BEGAIN: variants seen among roughly 807,000 people sequenced by gnomAD.
BEGAIN encodes brain-enriched guanylate kinase-associated protein.
A neutral mutation model predicts 35.8 loss-of-function variants in BEGAIN; 19 were observed. That is an observed-to-expected ratio of 0.53 (90% CI 0.37 to 0.78). BEGAIN has a LOEUF of 0.78. BEGAIN is among the 30% of genes least tolerant of loss of function. The pLI is 0.00. For missense variants in BEGAIN, 795 were observed against 853.6 expected (o/e 0.93, Z 0.85); for synonymous variants, 462 against 388.6 (o/e 1.19, Z -2.22).
At position 100,558,925 on chromosome 14, in the gene BEGAIN, C is replaced by T. The variant is rs1432909208; in HGVS notation, c.71+8986G>A. On this transcript the variant is annotated intron_variant, in intron 2 of 6. Coordinates refer to ENST00000554140, the MANE Select transcript of BEGAIN (RefSeq NM_001385089.1). The surrounding 1 kb of genome is among the most constrained non-coding windows in gnomAD (Gnocchi z 4.6). ...GCAGGACACACAGCTGGGAGCATGCCGGTGGGGCCAGGGCGCGTCCTGGAG... is the reference window on the plus strand; with the variant it reads ...GCAGGACACACAGCTGGGAGCATGCTGGTGGGGCCAGGGCGCGTCCTGGAG... 2.6e-5 allele frequency among the ~76,000 whole-genome samples: 4 copies of T among 152,144 alleles called. No individual in the cohort carries two copies. The highest frequency in any genetic ancestry group is 1.9e-4 in the East Asian group (1 of 5,182).
intron 2 of BEGAIN, among the ~76,000 whole-genome samples, chr14:100,554,281 C>T (rs993723451): frequency 1.3e-5 from 2 of 152,156 alleles, no homozygotes; most frequent in African/African-American, 2.4e-5. Flanking sequence ...GGCTGGGCTG[C>T]GGCTGTCACT....
intron 2 of BEGAIN, 106 bp from the exon 3 acceptor site, chr14:100,546,768 G>A: frequency 2.8e-6 from 2 of 702,370 alleles, no homozygotes; most frequent in Non-Finnish European, 3.9e-6. Context: ...GTACCGGCGC[G>A]CGCGCGCGCG....
intron 2 of BEGAIN, among the ~76,000 whole-genome samples, chr14:100,553,927 A>T (rs535004474): frequency 6.6e-6 from 1 of 152,222 alleles, no homozygotes; most frequent in East Asian, 1.9e-4. Context: ...CAGCTGATGG[A>T]GTTCAGACAG....
intron 1 of BEGAIN, chr14:100,577,608 A>C (rs1038707304): frequency 5.0e-6 from 2 of 398,952 alleles, no homozygotes; most frequent in African/African-American, 4.1e-5. Flanking sequence ...CAGTGACCTC[A>C]TCCAGGAACC....
intron 1 of BEGAIN, among the ~76,000 whole-genome samples, chr14:100,580,793 T>A (rs1157104264): frequency 6.6e-6 from 1 of 152,218 alleles, no homozygotes; most frequent in Non-Finnish European, 1.5e-5. Context: ...AGGTGCTCAA[T>A]GCGTAGTTCT....
At chr14:100,543,291 G>A (rs1271977566) in intron 5 of BEGAIN, among the ~76,000 whole-genome samples, 1 of 151,510 alleles carries the variant, frequency 6.6e-6, no homozygotes, top group Admixed American at 6.6e-5. Context: ...CGTGGCCAGA[G>A]GTGTTTTTTT....
In BEGAIN at chr14:100,568,185, G is replaced by A. The variant is rs543857605; in HGVS notation, c.43-246C>T. 8.6e-6 allele frequency: 7 copies of A among 812,640 alleles called. No individual in the cohort carries two copies. In the East Asian group the frequency reaches 7.4e-4, roughly 86 times the overall value. The allele number at this position is 812,640 out of a possible 1,614,324, so 50.3% of individuals were successfully genotyped here. The stretch of plus-strand genomic sequence containing the variant: ...CGCCGCGCTCCCCGCACCGAGTTAC[G>A]CCCCCCGGGGCGAAGAAGGGGCCGG... On this transcript the variant is annotated intron_variant, in intron 1 of 6. Transcript: ENST00000554140. The surrounding 1 kb of genome is among the most constrained non-coding windows in gnomAD (Gnocchi z 7.5).
intron 5 of BEGAIN, 55 bp downstream of exon 5, chr14:100,543,803 C>A: frequency 2.8e-6 from 4 of 1,410,958 alleles, no homozygotes; most frequent in Admixed American, 3.6e-5. Flanking sequence ...TCCTGGGAAG[C>A]CCTCGCCTAG....
At chr14:100,559,928 G>T (rs902446103) in intron 2 of BEGAIN, among the ~76,000 whole-genome samples, 7 of 152,244 alleles carry the variant, frequency 4.6e-5, no homozygotes, top group Admixed American at 2.6e-4. Context: ...CGAGGAGAGA[G>T]CTGGGGTCAC....
chr14:100,552,598 G>A (rs1489645781), intron 2 of BEGAIN, among the ~76,000 whole-genome samples: 1 of 152,226 alleles, frequency 6.6e-6, no homozygotes, highest in Non-Finnish European at 1.5e-5. Flanking sequence ...TGGCACAGGA[G>A]GGCTGCCCTG....
intron 2 of BEGAIN, chr14:100,548,228 C>T (rs2032784735): frequency 6.6e-6 from 1 of 152,170 alleles, no homozygotes; most frequent in African/African-American, 2.4e-5. Context: ...CTTCCACCTC[C>T]TCCAGGCAGC....
intron 2 of BEGAIN, among the ~76,000 whole-genome samples, chr14:100,566,143 G>A (rs757732643): frequency 6.6e-6 from 1 of 152,210 alleles, no homozygotes; most frequent in Non-Finnish European, 1.5e-5. Context: ...CGCCACCCCT[G>A]GCAACTCCAG....
chr14:100,568,307 TC>T lies in BEGAIN; in HGVS notation c.43-369del. ...TCTCCGGCGGCCGCGGCCCCGCTGCTCCCCCCGCCCCGCCCGTTAACCCTTC... is the reference window on the plus strand; with the variant it reads ...TCTCCGGCGGCCGCGGCCCCGCTGCTCCCCCGCCCCGCCCGTTAACCCTTC... On this transcript the variant is annotated intron_variant, in intron 1 of 6. Transcript: ENST00000554140. This position sits in a 1 kb window ranked among gnomAD's most constrained non-coding sequence, Gnocchi z 7.5. The T allele has an allele frequency of 2.8e-6, 2 of 707,808 alleles. No homozygotes were observed. The highest frequency in any genetic ancestry group is 2.0e-6 in the Non-Finnish European group (1 of 491,760). 43.8% of individuals were successfully genotyped at this position (707,808 alleles called of 1,614,324 possible).
intron 2 of BEGAIN, among the ~76,000 whole-genome samples, chr14:100,566,431 C>T (rs1330615317): frequency 6.6e-6 from 1 of 152,208 alleles, no homozygotes; most frequent in Non-Finnish European, 1.5e-5. Flanking sequence ...AGAACCACCG[C>T]AGGGAACCCC....
At chr14:100,578,856 CTT>C (rs529546763) in intron 1 of BEGAIN, among the ~76,000 whole-genome samples, 25 of 126,982 alleles carry the variant, frequency 2.0e-4, no homozygotes, top group Non-Finnish European at 3.2e-4. Context: ...GCCTCTGGTA[CTT>C]TTTTTTTTTT....
At chr14:100,562,496 A>G (rs2034345218) in intron 2 of BEGAIN, among the ~76,000 whole-genome samples, 1 of 152,046 alleles carries the variant, frequency 6.6e-6, no homozygotes, top group Non-Finnish European at 1.5e-5. Context: ...AAGAAAGTCC[A>G]TCCTTTTAGC....
chr14:100,552,335 T>G (rs907622837), intron 2 of BEGAIN, among the ~76,000 whole-genome samples: 4 of 152,176 alleles, frequency 2.6e-5, no homozygotes, highest in African/African-American at 9.7e-5. Context: ...GGTGACCCGC[T>G]CTGGTTCTGA....
chr14:100,551,297 C>T (rs1422914608), intron 2 of BEGAIN, among the ~76,000 whole-genome samples: 1 of 152,162 alleles, frequency 6.6e-6, no homozygotes, highest in East Asian at 1.9e-4. Flanking sequence ...TCTTGGTTGT[C>T]CCCCTCCTGG....
Position 100,568,987 on chromosome 14 carries a change from C to A in BEGAIN, c.43-1048G>T, listed in dbSNP as rs1170960786. 7.2e-6 allele frequency: 7 copies of A among 971,586 alleles called. No individual in the cohort carries two copies. Among genetic ancestry groups the A allele is most frequent in the Admixed American group, 6.2e-5 (1 of 16,088 alleles). The allele number at this position is 971,586 out of a possible 1,614,324, so 60.2% of individuals were successfully genotyped here. On this transcript the variant is annotated intron_variant, in intron 1 of 6. Coordinates refer to ENST00000554140, the MANE Select transcript of BEGAIN (RefSeq NM_001385089.1). The surrounding 1 kb of genome is among the most constrained non-coding windows in gnomAD (Gnocchi z 7.5). ...GGAGCGCGCTCCGCTCGGGTCCGGG[C>A]CCCACGCCGCCTCCCCCACCGCCCC... is the stretch of plus-strand genomic sequence containing the variant.
Sources: gnomAD v4.1 joint callset for allele counts (sites outside exome capture counted in the v4.1 genomes callset) on GRCh38, gnomAD v4.1.1 for gene constraint, Gnocchi (gnomAD v3.1) non-coding constraint, MANE v1.5 for transcripts, NCBI Gene and HGNC (gene_info 2026-07-23, HGNC 2026-07-21) for gene names.